Variants in AFF4 observed in about 807,000 individuals in gnomAD.
The protein encoded by AFF4 is ALF transcription elongation factor 4.
A neutral mutation model predicts 124.8 loss-of-function variants in AFF4; 13 were observed. The observed-to-expected ratio is 0.10, with a 90% confidence interval of 0.07 to 0.17. The LOEUF is 0.17. Among genes scored for constraint, AFF4 ranks in the 10% least tolerant of loss-of-function variants. The pLI is 1.00. For missense variants in AFF4, 1,092 were observed against 1,403.8 expected, an observed-to-expected ratio of 0.78 and a Z score of 3.55; for synonymous variants, 477 against 496.1, an observed-to-expected ratio of 0.96 and a Z score of 0.51.
intron 1 of AFF4, among the ~76,000 whole-genome samples, chr5:132,938,290 G>A (rs1407941836): frequency 6.7e-6 from 1 of 148,752 alleles, no homozygotes; most frequent in Non-Finnish European, 1.5e-5. Flanking sequence ...TTTTGAAACA[G>A]AGTCTTGCTC....
rs1225101222 is a variant in AFF4 at position 132,955,677 on chromosome 5, C to G, written c.-5+7582G>C. On this transcript the variant is annotated intron_variant, in intron 1 of 20. Transcript: ENST00000265343. ...CCTGTAATCCCAGCTACTCAAGAGG[C>G]TGAGGCAGGAGAATCGCTTGAACCC... Among the ~76,000 whole-genome samples the G allele has an allele frequency of 4.0e-5, 6 of 149,962 alleles. No homozygotes were observed. In the East Asian group the frequency reaches 1.2e-3, roughly 30 times the overall value.
chr5:132,961,715 G>A (rs770402123), intron 1 of AFF4, among the ~76,000 whole-genome samples: 1 of 152,026 alleles, frequency 6.6e-6, no homozygotes. Context: ...TAACACAGCT[G>A]GGCTCTTTTT....
chr5:132,933,482 A>T (rs1287667929), intron 3 of AFF4, among the ~76,000 whole-genome samples: 13 of 151,980 alleles, frequency 8.6e-5, no homozygotes, highest in Admixed American at 8.5e-4. Flanking sequence ...CCAAGATGAG[A>T]GGATCGCTTG....
chr5:132,910,076 T>G (rs1165432822), intron 5 of AFF4, among the ~76,000 whole-genome samples: 1 of 152,212 alleles, frequency 6.6e-6, no homozygotes, highest in Non-Finnish European at 1.5e-5. Flanking sequence ...CAACCAAATG[T>G]TTGGTACAGG....
intron 1 of AFF4, among the ~76,000 whole-genome samples, chr5:132,958,766 A>T (rs928024503): frequency 7.2e-5 from 11 of 152,266 alleles, no homozygotes; most frequent in Admixed American, 7.2e-4. Flanking sequence ...ATGAAAAGGA[A>T]AAGTCATAAC....
At chr5:132,922,214 T>C (rs966747685) in intron 5 of AFF4, among the ~76,000 whole-genome samples, 1 of 151,780 alleles carries the variant, frequency 6.6e-6, no homozygotes, top group African/African-American at 2.4e-5. Flanking sequence ...GCCCAGGAGT[T>C]CAAGAGCAGC....
intron 1 of AFF4, among the ~76,000 whole-genome samples, chr5:132,944,829 C>A (rs1761657875): frequency 6.6e-6 from 1 of 151,020 alleles, no homozygotes; most frequent in African/African-American, 2.4e-5. Flanking sequence ...ACTTGAGAGG[C>A]TGAGGCAGGA....
chr5:132,909,216 G>T (rs1760738506), intron 5 of AFF4, among the ~76,000 whole-genome samples: 1 of 142,178 alleles, frequency 7.0e-6, no homozygotes, highest in Admixed American at 7.6e-5. Context: ...CATGATCTCT[G>T]CTCACTGCAA....
chr5:132,911,551 C>T (rs73788228), intron 5 of AFF4, among the ~76,000 whole-genome samples: 3,172 of 150,810 alleles, frequency 0.021, 84 homozygotes, highest in African/African-American at 0.058. Context: ...TATAAGACCT[C>T]CCACAAAAAA....
chr5:132,892,497 C>T (rs1169709579), intron 12 of AFF4, 93 bp from the exon 13 acceptor site: 1 of 1,490,252 alleles, frequency 6.7e-7, no homozygotes, highest in East Asian at 2.3e-5. Flanking sequence ...CAAGACAAAT[C>T]TGTTTTTCCC....
chr5:132,892,897 ATATGT>A, intron 12 of AFF4, 128 bp downstream of exon 12: 3 of 770,962 alleles, frequency 3.9e-6, no homozygotes, highest in Non-Finnish European at 6.5e-6. Context: ...ACTATTTGGC[ATATGT>A]TATGTGTATG....
At chr5:132,953,800 T>C (rs1761893345) in intron 1 of AFF4, among the ~76,000 whole-genome samples, 1 of 152,086 alleles carries the variant, frequency 6.6e-6, no homozygotes, top group African/African-American at 2.4e-5. Context: ...CACACCACAT[T>C]TTATCTTCCG....
intron 1 of AFF4, among the ~76,000 whole-genome samples, chr5:132,961,201 G>A (rs185124135): frequency 1.4e-3 from 213 of 152,218 alleles, no homozygotes; most frequent in African/African-American, 4.9e-3. Flanking sequence ...TTCCAGTGGT[G>A]TGATCTCGGC....
intron 1 of AFF4, among the ~76,000 whole-genome samples, chr5:132,942,498 CTT>C (rs1190834364): frequency 7.2e-6 from 1 of 138,090 alleles, no homozygotes; most frequent in African/African-American, 2.7e-5. Flanking sequence ...GAGTTTCGCT[CTT>C]GTTGCCCAGG....
At chr5:132,957,232 T>G (rs1029179427) in intron 1 of AFF4, among the ~76,000 whole-genome samples, 1 of 150,638 alleles carries the variant, frequency 6.6e-6, no homozygotes, top group Non-Finnish European at 1.5e-5. Context: ...TCCTAGCTAC[T>G]TGGAAGGCTG....
chr5:132,962,587 G>A (rs1762102528), intron 1 of AFF4, among the ~76,000 whole-genome samples: 2 of 152,046 alleles, frequency 1.3e-5, no homozygotes, highest in Non-Finnish European at 1.5e-5. Flanking sequence ...GAACAGCAAA[G>A]TAGAAGGAAC....
Position 132,883,397 on chromosome 5 carries a change from A to G in AFF4, c.3307T>C (p.Phe1103Leu). The G allele has an allele frequency of 6.2e-7, 1 of 1,614,082 alleles. No homozygotes were observed. The highest frequency in any genetic ancestry group is 1.1e-5 in the South Asian group (1 of 91,088). The change falls in exon 20 of 21, where the codon TTC becomes CTC. Residue 1103 changes from phenylalanine (F) to leucine (L), a missense_variant. By Grantham distance (22) the Phe-to-Leu change is conservative. Around this residue, in one of 11 missense-constraint regions of AFF4, gnomAD observed 173 missense variants for 294.9 expected, o/e 0.59. Transcript: ENST00000265343. ...AASYVQVTSNFLYATEIWDQA... is the reference protein window; with the variant it reads ...AASYVQVTSNLLYATEIWDQA... Reference sequence around the variant, plus strand: ...TCCCAAATTTCGGTGGCATAGAGGAAGTTGGATGTGACCTGAACATAGCTG... The same window carrying G: ...TCCCAAATTTCGGTGGCATAGAGGAGGTTGGATGTGACCTGAACATAGCTG...
chr5:132,960,943 G>T (rs1279554648), intron 1 of AFF4, among the ~76,000 whole-genome samples: 3 of 152,042 alleles, frequency 2.0e-5, no homozygotes, highest in Admixed American at 6.5e-5. Context: ...GCCTAGGTTG[G>T]CCGGGCGCAG....
In AFF4 at chr5:132,932,985, A is replaced by C. The variant is rs192366065; in HGVS notation, c.919-763T>G. ...CTGGAAAGATGTTTTAAATGTTTGC[A>C]AAACAGCATTTTACATTACGCAGAT... On this transcript the variant is annotated intron_variant, in intron 3 of 20. Coordinates refer to ENST00000265343, the MANE Select transcript of AFF4 (RefSeq NM_014423.4). Among the ~76,000 whole-genome samples the C allele has an allele frequency of 2.0e-5, 3 of 152,352 alleles. No individual in the cohort carries two copies. The East Asian group carries it at 5.8e-4, about 29-fold the overall frequency.
Sources: gnomAD v4.1 joint callset for allele counts (sites outside exome capture counted in the v4.1 genomes callset) on GRCh38, gnomAD v4.1.1 for gene constraint, gnomAD v4.1.1 regional missense constraint, MANE v1.5 for transcripts, NCBI Gene and HGNC (gene_info 2026-07-23, HGNC 2026-07-21) for gene names.